Variants in KCNH1 observed in about 807,000 individuals in gnomAD.
KCNH1 encodes the protein potassium voltage-gated channel subfamily H member 1, also known as voltage-gated delayed rectifier potassium channel KCNH1.
Under a neutral mutation model 69.2 loss-of-function variants are expected in KCNH1, and 27 were observed. That is an observed-to-expected ratio of 0.39 (90% CI 0.29 to 0.54). The LOEUF is 0.54. Among genes scored for constraint, KCNH1 ranks in the 20% least tolerant of loss-of-function variants. KCNH1 has a pLI of 0.68. For missense variants in KCNH1, 798 were observed against 1,261.6 expected (o/e 0.63, Z 5.57); for synonymous variants, 456 against 487.7 (o/e 0.93, Z 0.86).
chr1:210,915,639 T>C (rs1687319761), intron 7 of KCNH1, among the ~76,000 whole-genome samples: 1 of 152,176 alleles, frequency 6.6e-6, no homozygotes, highest in Admixed American at 6.5e-5. Context: ...GGAGACATTG[T>C]AGGTCACCTA....
At position 210,730,595 on chromosome 1, in the gene KCNH1, A is replaced by G. The variant is rs553911716; in HGVS notation, c.2112+44753T>C. On this transcript the variant is annotated intron_variant, in intron 10 of 10. Transcript: ENST00000271751. ...ACCATTGCTTTTCCAGCTTTTCCCCATGTAACCCTTCTGGAGTCTTACTAT... is the reference window on the plus strand; with the variant it reads ...ACCATTGCTTTTCCAGCTTTTCCCCGTGTAACCCTTCTGGAGTCTTACTAT... Among the ~76,000 whole-genome samples the G allele has an allele frequency of 1.2e-4, 15 of 123,564 alleles. No homozygotes were observed. In the South Asian group the frequency reaches 4.2e-3, roughly 35 times the overall value. 81.1% of individuals were successfully genotyped at this position (123,564 alleles called of 152,430 possible).
chr1:210,832,461 T>A (rs1009712872), intron 7 of KCNH1, among the ~76,000 whole-genome samples: 1 of 152,230 alleles, frequency 6.6e-6, no homozygotes, highest in Non-Finnish European at 1.5e-5. Flanking sequence ...ATTTGTTTTG[T>A]TGGCTTTGAG....
intron 7 of KCNH1, among the ~76,000 whole-genome samples, chr1:210,828,574 T>C (rs1395191471): frequency 6.6e-6 from 1 of 152,148 alleles, no homozygotes; most frequent in East Asian, 1.9e-4. Context: ...TAAATCCTTA[T>C]TTACTGTACA....
intron 6 of KCNH1, among the ~76,000 whole-genome samples, chr1:211,005,249 T>A (rs1019099413): frequency 6.6e-6 from 1 of 152,168 alleles, no homozygotes; most frequent in African/African-American, 2.4e-5. Context: ...AAAATTTGAA[T>A]GGATCTTTGA....
At chr1:210,966,209 CT>C (rs1279205425) in intron 6 of KCNH1, among the ~76,000 whole-genome samples, 1 of 152,182 alleles carries the variant, frequency 6.6e-6, no homozygotes, top group Non-Finnish European at 1.5e-5. Context: ...GAACCCCTTC[CT>C]TACACCTTAT....
intron 6 of KCNH1, among the ~76,000 whole-genome samples, chr1:210,963,854 T>C (rs775144111): frequency 1.6e-4 from 24 of 152,234 alleles, no homozygotes; most frequent in African/African-American, 5.3e-4. Flanking sequence ...TGAAACCAAG[T>C]TGGAAAACAC....
At chr1:211,029,966 G>A (rs752668224) in intron 5 of KCNH1, among the ~76,000 whole-genome samples, 17 of 152,032 alleles carry the variant, frequency 1.1e-4, no homozygotes, top group Non-Finnish European at 2.2e-4. Context: ...ATAACAAAAC[G>A]TGCAGGATTT....
intron 6 of KCNH1, among the ~76,000 whole-genome samples, chr1:210,979,300 A>C (rs1221133203): frequency 1.3e-5 from 2 of 152,226 alleles, no homozygotes; most frequent in African/African-American, 4.8e-5. Context: ...CAGTTATTTA[A>C]GTATAAATGG....
intron 7 of KCNH1, among the ~76,000 whole-genome samples, chr1:210,808,345 G>A (rs1435692464): frequency 6.6e-6 from 1 of 152,128 alleles, no homozygotes; most frequent in African/African-American, 2.4e-5. Flanking sequence ...TCCATGATCT[G>A]AGAGAACCAG....
chr1:210,838,079 C>G (rs1221654709), intron 7 of KCNH1, among the ~76,000 whole-genome samples: 1 of 152,072 alleles, frequency 6.6e-6, no homozygotes, highest in Non-Finnish European at 1.5e-5. Flanking sequence ...ATCACCGTAC[C>G]TAACTTCAAA....
At chr1:211,043,296 C>T (rs895070156) in intron 5 of KCNH1, among the ~76,000 whole-genome samples, 8 of 152,044 alleles carry the variant, frequency 5.3e-5, no homozygotes, top group African/African-American at 1.9e-4. Flanking sequence ...CACTGAAATA[C>T]AAAAAGATCA....
chr1:211,075,362 T>G (rs920346055), intron 5 of KCNH1, among the ~76,000 whole-genome samples: 2 of 152,334 alleles, frequency 1.3e-5, no homozygotes, highest in Admixed American at 1.3e-4. Context: ...CATTACTGCA[T>G]ATATTCAGAA....
intron 9 of KCNH1, among the ~76,000 whole-genome samples, chr1:210,777,872 C>A (rs1558465500): frequency 6.6e-6 from 1 of 152,240 alleles, no homozygotes; most frequent in Non-Finnish European, 1.5e-5. Flanking sequence ...TGACTGGCCT[C>A]AACCAATAGA....
At chr1:210,912,188 C>A (rs1200000035) in intron 7 of KCNH1, among the ~76,000 whole-genome samples, 1 of 152,164 alleles carries the variant, frequency 6.6e-6, no homozygotes, top group Admixed American at 6.5e-5. Flanking sequence ...TATGACCTGG[C>A]ATGTCTTGGG....
At chr1:210,719,274 G>C (rs1682392260) in intron 10 of KCNH1, among the ~76,000 whole-genome samples, 1 of 152,088 alleles carries the variant, frequency 6.6e-6, no homozygotes, top group Non-Finnish European at 1.5e-5. Context: ...ATCAACCCCT[G>C]AGAAACGTGG....
chr1:211,118,028 T>C (rs1009492220), intron 1 of KCNH1, among the ~76,000 whole-genome samples: 2 of 152,178 alleles, frequency 1.3e-5, no homozygotes, highest in East Asian at 1.9e-4. Context: ...AGGTGAACCA[T>C]GTTGTATCAG....
intron 9 of KCNH1, among the ~76,000 whole-genome samples, chr1:210,791,622 A>G (rs1574258444): frequency 6.6e-6 from 1 of 152,266 alleles, no homozygotes; most frequent in East Asian, 1.9e-4. Context: ...TACCTCCTCC[A>G]TGAACATTTC....
chr1:211,062,734 T>C (rs1330750762), intron 5 of KCNH1, among the ~76,000 whole-genome samples: 3 of 152,114 alleles, frequency 2.0e-5, no homozygotes, highest in Non-Finnish European at 4.4e-5. Flanking sequence ...ATCAGAGAAA[T>C]GCAAATCAAA....
At chr1:210,742,542 G>C (rs909057373) in intron 10 of KCNH1, among the ~76,000 whole-genome samples, 1 of 152,202 alleles carries the variant, frequency 6.6e-6, no homozygotes, top group Non-Finnish European at 1.5e-5. Context: ...GGCACTCAGT[G>C]GTTCTTATTG....
Sources: gnomAD v4.1 joint callset for allele counts (sites outside exome capture counted in the v4.1 genomes callset) on GRCh38, gnomAD v4.1.1 for gene constraint, MANE v1.5 for transcripts, NCBI Gene and HGNC (gene_info 2026-07-23, HGNC 2026-07-21) for gene names.